Variants in FBXO15 observed in about 807,000 individuals in gnomAD.
FBXO15 encodes the protein F-box protein 15, also known as F-box only protein 15.
In FBXO15, 30 loss-of-function variants were observed where a neutral mutation model predicts 49.5. The ratio of observed to expected loss-of-function variants is 0.61; its 90% CI spans 0.45 to 0.82. FBXO15 has a LOEUF of 0.82. Ranked by LOEUF, FBXO15 falls within the 40% of genes least tolerant of loss-of-function variation. FBXO15 has a pLI of 0.00. For missense variants in FBXO15, 591 were observed against 631.5 expected (o/e 0.94, Z 0.69); for synonymous variants, 250 against 232.7 (o/e 1.07, Z -0.68).
chr18:74,130,679 A>G (rs369603621), intron 3 of FBXO15, 21 bp from the exon 4 acceptor site: 3 of 1,603,634 alleles, frequency 1.9e-6, no homozygotes, highest in South Asian at 2.2e-5. Context: ...AAGAGGAAAT[A>G]TGTTAACTAA....
chr18:74,128,657 G>A (rs1292890360), intron 5 of FBXO15, among the ~76,000 whole-genome samples: 1 of 152,200 alleles, frequency 6.6e-6, no homozygotes, highest in African/African-American at 2.4e-5. Context: ...AGGATGCTAT[G>A]CATGCCATAA....
chr18:74,094,667 A>G (rs990029024), intron 8 of FBXO15, among the ~76,000 whole-genome samples: 6 of 152,246 alleles, frequency 3.9e-5, no homozygotes, highest in Non-Finnish European at 7.3e-5. Context: ...TCATTTATAC[A>G]GCAGAGACAA....
intron 6 of FBXO15, among the ~76,000 whole-genome samples, chr18:74,125,038 T>C (rs1914648210): frequency 6.6e-6 from 1 of 152,190 alleles, no homozygotes; most frequent in East Asian, 1.9e-4. Context: ...CACTTGTCCA[T>C]GAGGTTGAAT....
chr18:74,099,960 T>C (rs1913438055), intron 8 of FBXO15: 1 of 151,932 alleles, frequency 6.6e-6, no homozygotes, highest in Non-Finnish European at 1.5e-5. Flanking sequence ...AGCAACACAA[T>C]AACAGTGGGA....
intron 8 of FBXO15, among the ~76,000 whole-genome samples, chr18:74,090,895 A>G (rs2145125021): frequency 6.6e-6 from 1 of 152,196 alleles, no homozygotes; most frequent in Middle Eastern, 3.4e-3. Context: ...TTTGGGGTGA[A>G]GTGTTCTGTA....
At chr18:74,100,281 A>G (rs1429205141) in intron 8 of FBXO15, among the ~76,000 whole-genome samples, 1 of 152,184 alleles carries the variant, frequency 6.6e-6, no homozygotes, top group Non-Finnish European at 1.5e-5. Flanking sequence ...AGCCACACAA[A>G]TACATGGAAA....
At position 74,130,578 on chromosome 18, in the gene FBXO15, G is replaced by C; in HGVS notation, c.413C>G (p.Ala138Gly). The C allele has an allele frequency of 6.2e-7, 1 of 1,614,114 alleles. No homozygotes were observed. The highest frequency in any genetic ancestry group is 8.5e-7 in the Non-Finnish European group (1 of 1,180,004). ...AACTGACAGAAAGCTCATAGACATA[G>C]CTATCTTCTCTACTGAATTAAATTT... ...NWKFNSVEKI[A>G]MSMSFLSVQD... The change falls in exon 4 of 10, where the codon GCT becomes GGT. Residue 138 changes from alanine (A) to glycine (G), a missense_variant. Physicochemically the swap from Ala to Gly is moderately conservative, Grantham distance 60. Transcript: ENST00000419743.
chr18:74,123,302 A>T, intron 8 of FBXO15, 66 bp downstream of exon 8: 1 of 1,534,276 alleles, frequency 6.5e-7, no homozygotes, highest in Non-Finnish European at 8.8e-7. Flanking sequence ...TAACTCGGAC[A>T]TCAAAATTGG....
chr18:74,115,254 T>C (rs989089041), intron 8 of FBXO15, among the ~76,000 whole-genome samples: 1 of 152,182 alleles, frequency 6.6e-6, no homozygotes, highest in Non-Finnish European at 1.5e-5. Flanking sequence ...CTGGGAGATG[T>C]TGCTGGTCAG....
chr18:74,092,125 T>A (rs1463050892), intron 8 of FBXO15, among the ~76,000 whole-genome samples: 1 of 152,216 alleles, frequency 6.6e-6, no homozygotes, highest in Non-Finnish European at 1.5e-5. Flanking sequence ...GTAGAGCTGG[T>A]CTTTAAGCTC....
intron 8 of FBXO15, among the ~76,000 whole-genome samples, chr18:74,112,414 C>G (rs1244918301): frequency 6.6e-6 from 1 of 152,144 alleles, no homozygotes; most frequent in African/African-American, 2.4e-5. Context: ...CATCACACAA[C>G]AGGCTTAAGA....
Position 74,074,896 on chromosome 18 carries a change from C to T in FBXO15, c.1264-1166G>A, listed in dbSNP as rs895891299. ...CCTTCCTTCTCCCGCCTCTTCCTTT[C>T]CACTTTAGATTTCACTGGCCTTTGC... On this transcript the variant is annotated intron_variant, in intron 9 of 9. Coordinates refer to ENST00000419743, the MANE Select transcript of FBXO15 (RefSeq NM_001142958.2). The surrounding 1 kb of genome is among the most constrained non-coding windows in gnomAD (Gnocchi z 4.7). Among the ~76,000 whole-genome samples the T allele has an allele frequency of 1.3e-5, 2 of 152,184 alleles. No individual in the cohort carries two copies. The highest frequency in any genetic ancestry group is 2.9e-5 in the Non-Finnish European group (2 of 68,038).
intron 8 of FBXO15, 58 bp from the exon 9 acceptor site, chr18:74,082,109 G>T: frequency 6.3e-7 from 1 of 1,583,528 alleles, no homozygotes; most frequent in Non-Finnish European, 8.6e-7. Flanking sequence ...GACAAACCAA[G>T]CACGTTCAGT....
At chr18:74,132,916 C>G (rs1478311413) in intron 3 of FBXO15, among the ~76,000 whole-genome samples, 1 of 152,182 alleles carries the variant, frequency 6.6e-6, no homozygotes, top group East Asian at 1.9e-4. Flanking sequence ...AAGGGAGTAG[C>G]CCCGCTGCTG....
rs1030179697 is a variant in FBXO15, at chr18:74,147,747, C to G, written c.39G>C (p.Trp13Cys). ...TGRGRILQQH[W>C]LGLQTLRGPS... The stretch of plus-strand genomic sequence containing the variant: ...GCCCGCGCAGCGTCTGGAGGCCGAG[C>G]CAGTGCTGCTGCAAGATCCGACCGC... The change falls in exon 1 of 10, where the codon TGG becomes TGC. Residue 13 changes from tryptophan to cysteine, a missense_variant. By Grantham distance (215) the Trp-to-Cys change is radical. Coordinates refer to ENST00000419743, the MANE Select transcript of FBXO15 (RefSeq NM_001142958.2). 6.5e-7 allele frequency: 1 copy of G among 1,536,656 alleles called. No individual in the cohort carries two copies. Among genetic ancestry groups the G allele is most frequent in the Admixed American group, 2.0e-5 (1 of 50,318 alleles).
At chr18:74,140,003 C>T (rs961093505) in intron 2 of FBXO15, among the ~76,000 whole-genome samples, 199 bp downstream of exon 2, 4 of 152,176 alleles carry the variant, frequency 2.6e-5, no homozygotes, top group Non-Finnish European at 2.9e-5. Flanking sequence ...CTTGAAGTTT[C>T]GTTTCATAAA....
At chr18:74,097,586 C>T (rs1433763486) in intron 8 of FBXO15, 1 of 152,376 alleles carries the variant, frequency 6.6e-6, no homozygotes, top group Non-Finnish European at 1.5e-5. Context: ...ACCTCCATCC[C>T]CCACAGCAGC....
intron 3 of FBXO15, 113 bp downstream of exon 3, chr18:74,135,648 TA>T: frequency 1.2e-6 from 1 of 805,884 alleles, no homozygotes; most frequent in Non-Finnish European, 2.0e-6. Flanking sequence ...CACTTGTGTG[TA>T]AAAATACTCT....
intron 8 of FBXO15, among the ~76,000 whole-genome samples, chr18:74,116,768 G>A (rs936010814): frequency 2.2e-4 from 34 of 152,120 alleles, no homozygotes; most frequent in African/African-American, 7.0e-4. Flanking sequence ...GGATCACATG[G>A]AGGCAGGGCT....
Sources: gnomAD v4.1 joint callset for allele counts (sites outside exome capture counted in the v4.1 genomes callset) on GRCh38, gnomAD v4.1.1 for gene constraint, Gnocchi (gnomAD v3.1) non-coding constraint, MANE v1.5 for transcripts, NCBI Gene and HGNC (gene_info 2026-07-23, HGNC 2026-07-21) for gene names.